The following ATP10D variants were observed in gnomAD, a reference collection of about 807,000 sequenced individuals.
ATP10D encodes the protein ATPase phospholipid transporting 10D (putative).
Under a neutral mutation model 144.8 loss-of-function variants are expected in ATP10D, and 89 were observed. The observed-to-expected ratio is 0.61, with a 90% CI of 0.52 to 0.73. The LOEUF (loss-of-function observed/expected upper bound fraction) is 0.73. ATP10D is among the 30% of genes least tolerant of loss of function. The pLI is 0.00. For missense variants in ATP10D, 1,603 were observed against 1,714.8 expected (o/e 0.93, Z 1.15); for synonymous variants, 571 against 615.1 (o/e 0.93, Z 1.06).
intron 3 of ATP10D, among the ~76,000 whole-genome samples, chr4:47,516,949 C>T (rs879414978): frequency 5.9e-5 from 9 of 152,082 alleles, no homozygotes; most frequent in Admixed American, 1.3e-4. Context: ...ACTAAAATAT[C>T]GGTACAGTCT....
intron 10 of ATP10D, among the ~76,000 whole-genome samples, chr4:47,548,005 G>A (rs549368949): frequency 4.7e-4 from 72 of 152,028 alleles, no homozygotes; most frequent in Non-Finnish European, 7.8e-4. Flanking sequence ...AGCCCATATC[G>A]GAAATATATT....
chr4:47,590,738 T>C (rs991177147), intron 22 of ATP10D, among the ~76,000 whole-genome samples: 2 of 152,170 alleles, frequency 1.3e-5, no homozygotes, highest in Non-Finnish European at 2.9e-5. Context: ...TTGTCTCATT[T>C]AACCTAACAT....
chr4:47,563,377 TC>T (rs1289600979), intron 14 of ATP10D, among the ~76,000 whole-genome samples: 1 of 152,150 alleles, frequency 6.6e-6, no homozygotes, highest in Non-Finnish European at 1.5e-5. Flanking sequence ...AATCCATTGA[TC>T]CCTGAGGCTT....
At chr4:47,489,681 A>G (rs1714973466) in intron 1 of ATP10D, among the ~76,000 whole-genome samples, 1 of 152,280 alleles carries the variant, frequency 6.6e-6, no homozygotes, top group African/African-American at 2.4e-5. Flanking sequence ...TATGTTAGGT[A>G]TCATTATTTC....
At chr4:47,509,940 A>AGG (rs1716222351) in intron 1 of ATP10D, among the ~76,000 whole-genome samples, 2 of 104,324 alleles carry the variant, frequency 1.9e-5, no homozygotes, top group Non-Finnish European at 3.7e-5. Flanking sequence ...CTTTTGTTTC[A>AGG]GGGGTGTGTG....
intron 3 of ATP10D, among the ~76,000 whole-genome samples, chr4:47,516,001 G>A (rs1457579392): frequency 1.3e-5 from 2 of 152,014 alleles, no homozygotes; most frequent in Non-Finnish European, 1.5e-5. Flanking sequence ...AGGCTGAGGC[G>A]GGTGGATCGC....
intron 9 of ATP10D, among the ~76,000 whole-genome samples, chr4:47,538,954 G>A (rs1577661794): frequency 6.6e-6 from 1 of 152,202 alleles, no homozygotes; most frequent in South Asian, 2.1e-4. Context: ...CAAATTACTC[G>A]AAGTCAGCTG....
chr4:47,542,977 T>C (rs78822084), intron 9 of ATP10D, among the ~76,000 whole-genome samples: 4,637 of 152,292 alleles, frequency 0.03, 104 homozygotes, highest in Middle Eastern at 0.061. Flanking sequence ...TCATTAAATA[T>C]AGCCTCCATG....
At chr4:47,516,185 G>T (rs780964465) in intron 3 of ATP10D, among the ~76,000 whole-genome samples, 1 of 151,112 alleles carries the variant, frequency 6.6e-6, no homozygotes, top group South Asian at 2.1e-4. Context: ...AGCCGAGATC[G>T]CACCACTGCA....
chr4:47,569,026 C>G lies in ATP10D; in HGVS notation c.3043C>G (p.Gln1015Glu), dbSNP rs773068101. ...EFALQESLQK[Q>E]FLELTSWCQA... is the part of the protein sequence containing the mutation. Reference sequence around the variant, plus strand: ...TGCCCTGCAAGAAAGTCTGCAAAAGCAGTTCCTGGAACTGACATCTTGGTG... The same window carrying G: ...TGCCCTGCAAGAAAGTCTGCAAAAGGAGTTCCTGGAACTGACATCTTGGTG... The change falls in exon 16 of 23, where the codon CAG becomes GAG. Residue 1015 changes from glutamine (Q) to glutamate (E), a missense_variant. Physicochemically the swap from Gln to Glu is conservative, Grantham distance 29 (BLOSUM62 2). Coordinates refer to ENST00000273859, the MANE Select transcript of ATP10D (RefSeq NM_020453.4). 6.2e-6 allele frequency: 10 copies of G among 1,614,118 alleles called. No homozygotes were observed. In the Admixed American group the frequency reaches 1.2e-4, roughly 19 times the overall value.
chr4:47,536,232 C>T (rs186298332), intron 7 of ATP10D, among the ~76,000 whole-genome samples, 199 bp downstream of exon 7: 1 of 151,992 alleles, frequency 6.6e-6, no homozygotes, highest in East Asian at 1.9e-4. Context: ...TGCCATAGTA[C>T]TGAAGAAACC....
At chr4:47,501,318 A>G (rs1456196678) in intron 1 of ATP10D, among the ~76,000 whole-genome samples, 2 of 152,238 alleles carry the variant, frequency 1.3e-5, no homozygotes, top group Non-Finnish European at 2.9e-5. Context: ...TAGTTCAAAC[A>G]CATATAAAGT....
intron 2 of ATP10D, 39 bp downstream of exon 2, chr4:47,512,869 T>A: frequency 6.5e-7 from 1 of 1,529,718 alleles, no homozygotes. Context: ...AGAATATCAT[T>A]CTAGTTGATA....
chr4:47,494,662 T>C (rs928284561), intron 1 of ATP10D, among the ~76,000 whole-genome samples: 1 of 151,832 alleles, frequency 6.6e-6, no homozygotes, highest in Non-Finnish European at 1.5e-5. Context: ...TGAAATAGGC[T>C]CTTAATTAGG....
chr4:47,548,273 TC>T (rs1718545215), intron 10 of ATP10D, among the ~76,000 whole-genome samples: 1 of 152,196 alleles, frequency 6.6e-6, no homozygotes, highest in African/African-American at 2.4e-5. Context: ...TAAATTTACC[TC>T]ATCTAAAATA....
At chr4:47,517,185 GGC>G (rs1285273849) in intron 3 of ATP10D, among the ~76,000 whole-genome samples, 1 of 152,138 alleles carries the variant, frequency 6.6e-6, no homozygotes, top group African/African-American at 2.4e-5. Flanking sequence ...AGGCTGAGGT[GGC>G]TGGATTGCAT....
intron 18 of ATP10D, 87 bp from the exon 19 acceptor site, chr4:47,576,686 C>T: frequency 2.3e-6 from 3 of 1,282,504 alleles, no homozygotes; most frequent in Non-Finnish European, 3.4e-6. Context: ...CTGAGGTCAC[C>T]CAGCTCAAAA....
At chr4:47,493,074 T>C (rs1397399590) in intron 1 of ATP10D, among the ~76,000 whole-genome samples, 1 of 152,198 alleles carries the variant, frequency 6.6e-6, no homozygotes. Context: ...TTTTTATCTC[T>C]TACCATTAAT....
In ATP10D at chr4:47,554,774, A is replaced by G; in HGVS notation, c.1684A>G (p.Ile562Val). ...CAGGCTTTTAGACAAATTTAGTCAG[A>G]TTACACCTCGGCTCTTTATGCCACT... ...DTRLLDKFSQ[I>V]TPRLFMPLDE... The change falls in exon 11 of 23, where the codon ATT (isoleucine) becomes GTT (valine). Residue 562 changes from isoleucine to valine, a missense_variant. Ile to Val is a conservative substitution (Grantham distance 29). Coordinates refer to ENST00000273859, the MANE Select transcript of ATP10D (RefSeq NM_020453.4). 6.2e-7 allele frequency: 1 copy of G among 1,614,152 alleles called. No homozygotes were observed. Among genetic ancestry groups the G allele is most frequent in the South Asian group, 1.1e-5 (1 of 91,086 alleles).
Sources: allele counts gnomAD v4.1 joint callset (sites outside exome capture counted in the v4.1 genomes callset), GRCh38; gene constraint gnomAD v4.1.1; transcripts MANE v1.5; gene names NCBI Gene and HGNC (gene_info 2026-07-23, HGNC 2026-07-21).